DSP: variants seen among roughly 807,000 people sequenced by gnomAD.
DSP encodes the protein desmoplakin.
DSP carries 114 observed loss-of-function variants against 290.6 expected under a neutral mutation model. The ratio of observed to expected loss-of-function variants is 0.39; its 90% CI spans 0.34 to 0.46. DSP has a LOEUF of 0.46. Ranked by LOEUF, DSP falls within the 20% of genes least tolerant of loss-of-function variation. The pLI is 0.99. For missense variants in DSP, 3,230 were observed against 3,495.8 expected, an observed-to-expected ratio of 0.92 and a Z score of 1.92; for synonymous variants, 1,311 against 1,316.4, an observed-to-expected ratio of 1.00 and a Z score of 0.09.
chr6:7,552,944 G>T (rs1258101662), intron 1 of DSP, among the ~76,000 whole-genome samples: 1 of 152,210 alleles, frequency 6.6e-6, no homozygotes, highest in East Asian at 1.9e-4. Context: ...GTGGTCAAAT[G>T]AATTTGATCT....
At chr6:7,552,648 T>C (rs1028097812) in intron 1 of DSP, among the ~76,000 whole-genome samples, 1 of 135,300 alleles carries the variant, frequency 7.4e-6, no homozygotes, top group Non-Finnish European at 1.6e-5. Context: ...TAGCAGCATA[T>C]AAAGTTACCT....
intron 11 of DSP, 112 bp downstream of exon 11, chr6:7,568,701 T>C: frequency 1.7e-6 from 2 of 1,195,832 alleles, no homozygotes; most frequent in South Asian, 2.5e-5. Flanking sequence ...ACAGTCAATG[T>C]CTTTGATCTA....
At chr6:7,542,108 C>CGGGCTGCG in intron 1 of DSP, 23 bp downstream of exon 1, 1 of 1,552,154 alleles carries the variant, frequency 6.4e-7, no homozygotes, top group Non-Finnish European at 8.7e-7. Context: ...CCGGAGAGCG[C>CGGGCTGCG]GGGCTGCGGG....
intron 12 of DSP, 51 bp downstream of exon 12, chr6:7,569,391 C>G: frequency 6.2e-7 from 1 of 1,613,444 alleles, no homozygotes; most frequent in Non-Finnish European, 8.5e-7. Context: ...AATGTGAGGG[C>G]AGAGGAAGAG....
At position 7,574,654 on chromosome 6, in the gene DSP, C is replaced by T. The variant is rs1300722110; in HGVS notation, c.2298-3C>T. On this transcript the variant is annotated splice_region_variant and splice_polypyrimidine_tract_variant and intron_variant, in intron 16 of 23. Transcript: ENST00000379802. Reference sequence around the variant, plus strand: ...TTTTATGTGCTTCTTTTGCTCTTTCCAGCTTATGCACAGTAAGGGCACTGC... The same window carrying T: ...TTTTATGTGCTTCTTTTGCTCTTTCTAGCTTATGCACAGTAAGGGCACTGC... 6 of 1,613,952 alleles carry T rather than the reference C, an allele frequency of 3.7e-6. No homozygotes were observed. The highest frequency in any genetic ancestry group is 5.1e-6 in the Non-Finnish European group (6 of 1,179,894).
intron 13 of DSP, 63 bp downstream of exon 13, chr6:7,570,626 G>T: frequency 1.2e-6 from 2 of 1,606,004 alleles, no homozygotes; most frequent in African/African-American, 1.3e-5. Flanking sequence ...CGCAGTGCCT[G>T]TGTCCAACAG....
Position 7,569,342 on chromosome 6 carries a change from T to TA in DSP, c.1574+4dup. 1 of 1,614,146 alleles carries TA rather than the reference T, an allele frequency of 6.2e-7. No homozygotes were observed. Among genetic ancestry groups the TA allele is most frequent in the Admixed American group, 1.7e-5 (1 of 60,026 alleles). ...ACTGGCCGTGGACCTCTCTTGCAAG[T>TA]AAGTCATCCAAGTTCCCAAAGCCAC... On this transcript the variant is annotated splice_region_variant and intron_variant, in intron 12 of 23. Transcript: ENST00000379802.
At chr6:7,581,655 TTAAA>T (rs1342662624) in intron 23 of DSP, 86 bp downstream of exon 23, 10 of 1,558,462 alleles carry the variant, frequency 6.4e-6, no homozygotes, top group African/African-American at 1.4e-5. Context: ...CTCTTTCTGC[TTAAA>T]TAGATGCTTA....
chr6:7,577,102 T>G, intron 20 of DSP, 60 bp downstream of exon 20: 1 of 1,380,920 alleles, frequency 7.2e-7, no homozygotes, highest in Non-Finnish European at 1.0e-6. Context: ...ACTGCATGAC[T>G]TGCTGATTTG....
intron 6 of DSP, among the ~76,000 whole-genome samples, chr6:7,564,504 A>G (rs368992095): frequency 1.2e-4 from 19 of 152,308 alleles, no homozygotes; most frequent in Middle Eastern, 3.4e-3. Context: ...GAAGGTAGGA[A>G]AAGCTTGATT....
rs794727382 is a variant in DSP at position 7,581,378 on chromosome 6, G to A, written c.5188G>A (p.Glu1730Lys). The A allele has an allele frequency of 3.1e-6, 5 of 1,614,200 alleles. No homozygotes were observed. The highest frequency in any genetic ancestry group is 4.2e-6 in the Non-Finnish European group (5 of 1,180,036). ...AGAAGAACTGCGGAACCTGAGGCTG[G>A]AGTACGATGACCTGAGGAGAGGACG... ...LEEELRNLRL[E>K]YDDLRRGRSE... is the part of the protein sequence containing the mutation. The change falls in exon 23 of 24, where the codon GAG becomes AAG. Residue 1730 changes from glutamate (E) to lysine (K), a missense_variant. Transcript: ENST00000379802.
In DSP at chr6:7,565,942, G is replaced by C; in HGVS notation, c.939+422G>C. The C allele has an allele frequency of 3.1e-6, 1 of 327,822 alleles. No homozygotes were observed. Among genetic ancestry groups the C allele is most frequent in the Non-Finnish European group, 5.8e-6 (1 of 172,772 alleles). The allele number at this position is 327,822 out of a possible 1,614,324, so 20.3% of individuals were successfully genotyped here. ...AAATCCCTGTGATACAAGTTTACCT[G>C]TGTAACAAACCTGCACATGTATCCC... On this transcript the variant is annotated intron_variant, in intron 7 of 23. Coordinates refer to ENST00000379802, the MANE Select transcript of DSP (RefSeq NM_004415.4). The surrounding 1 kb of genome is among the most constrained non-coding windows in gnomAD (Gnocchi z 4.2).
chr6:7,562,680 T>G lies in DSP; in HGVS notation c.626T>G (p.Val209Gly). The G allele has an allele frequency of 6.2e-7, 1 of 1,614,148 alleles. No homozygotes were observed. Among genetic ancestry groups the G allele is most frequent in the Non-Finnish European group, 8.5e-7 (1 of 1,180,018 alleles). ...RAEMDMVAWG[V>G]DLASVEQHIN... ...GAGATGGACATGGTGGCCTGGGGTGTGGACCTGGCCTCAGTGGAGCAGCAC... is the reference window on the plus strand; with the variant it reads ...GAGATGGACATGGTGGCCTGGGGTGGGGACCTGGCCTCAGTGGAGCAGCAC... Residue 209 changes from valine (V) to glycine (G), a missense_variant, in exon 5 of 24, where the codon GTG becomes GGG. Physicochemically the swap from Val to Gly is moderately radical, Grantham distance 109. Transcript: ENST00000379802.
chr6:7,564,849 TA>T (rs1758808244), intron 6 of DSP, among the ~76,000 whole-genome samples: 1 of 151,996 alleles, frequency 6.6e-6, no homozygotes, highest in Non-Finnish European at 1.5e-5. Flanking sequence ...TTTAGAAGAA[TA>T]AAAAAAATTT....
chr6:7,584,116 C>G lies in DSP; in HGVS notation c.6854C>G (p.Pro2285Arg). 6.2e-7 allele frequency: 1 copy of G among 1,614,136 alleles called. No homozygotes were observed. The highest frequency in any genetic ancestry group is 8.5e-7 in the Non-Finnish European group (1 of 1,180,030). ...GCCATGAAAATTGGCTTAGTCCGAC[C>G]TGGTACTGCTCTGGAGTTGCTGGAA... ...YEAMKIGLVR[P>R]GTALELLEAQ... The change falls in exon 24 of 24, where the codon CCT becomes CGT. Residue 2285 changes from proline to arginine, a missense_variant. Pro to Arg is a moderately radical substitution (Grantham distance 103). Coordinates refer to ENST00000379802, the MANE Select transcript of DSP (RefSeq NM_004415.4). The surrounding 1 kb of genome is among the most constrained non-coding windows in gnomAD (Gnocchi z 6.4).
rs886061748 is a variant in DSP, at chr6:7,584,197, T to C, written c.6935T>C (p.Val2312Ala). 1.1e-5 allele frequency: 18 copies of C among 1,614,002 alleles called. No homozygotes were observed. Among genetic ancestry groups the C allele is most frequent in the Non-Finnish European group, 1.0e-5 (12 of 1,180,040 alleles). Residue 2312 changes from valine (V) to alanine (A), a missense_variant, in exon 24 of 24, where the codon GTG (valine) becomes GCG (alanine). Val to Ala is a moderately conservative substitution (Grantham distance 64). Transcript: ENST00000379802. This position sits in a 1 kb window ranked among gnomAD's most constrained non-coding sequence, Gnocchi z 6.4. ...CCTGTTAGCAACTTGAGGTTACCAG[T>C]GGAGGAAGCCTACAAGAGAGGTCTG... ...VDPVSNLRLP[V>A]EEAYKRGLVG...
chr6:7,579,336 C>G lies in DSP; in HGVS notation c.3146C>G (p.Ser1049Trp), dbSNP rs751361395. The G allele has an allele frequency of 3.1e-6, 5 of 1,614,128 alleles. No individual in the cohort carries two copies. The highest frequency in any genetic ancestry group is 4.2e-6 in the Non-Finnish European group (5 of 1,180,030). ...EELRLARDAN[S>W]ENCNKNKFLD... ...CTCAGACTGGCCCGAGATGCCAACT[C>G]GGAAAACTGTAATAAGAACAAATTC... Residue 1049 changes from serine to tryptophan, a missense_variant, in exon 23 of 24, where the codon TCG (serine) becomes TGG (tryptophan). This residue lies in a region of DSP where 1,714 missense variants were observed against 1,844.5 expected (regional missense o/e 0.93). Coordinates refer to ENST00000379802, the MANE Select transcript of DSP (RefSeq NM_004415.4). The surrounding 1 kb of genome is among the most constrained non-coding windows in gnomAD (Gnocchi z 4.1).
rs777132727 is a variant in DSP at position 7,584,992 on chromosome 6, T to C, written c.7730T>C (p.Val2577Ala). The C allele has an allele frequency of 6.2e-7, 1 of 1,614,174 alleles. No homozygotes were observed. The highest frequency in any genetic ancestry group is 8.5e-7 in the Non-Finnish European group (1 of 1,180,038). Reference protein sequence around the residue: ...VGTSSSMGSGVSDDVFSSSRH... With the variant: ...VGTSSSMGSGASDDVFSSSRH... ...ACCAGCAGCAGCATGGGCAGTGGTG[T>C]CAGCGATGATGTTTTTAGCAGCTCC... Residue 2577 changes from valine to alanine, a missense_variant, in exon 24 of 24, where the codon GTC becomes GCC. Physicochemically the swap from Val to Ala is moderately conservative, Grantham distance 64. Coordinates refer to ENST00000379802, the MANE Select transcript of DSP (RefSeq NM_004415.4). This position sits in a 1 kb window ranked among gnomAD's most constrained non-coding sequence, Gnocchi z 6.4.
At position 7,579,716 on chromosome 6, in the gene DSP, G is replaced by T. The variant is rs1261167694; in HGVS notation, c.3526G>T (p.Val1176Phe). Residue 1176 changes from valine to phenylalanine, a missense_variant, in exon 23 of 24, where the codon GTT becomes TTT. Physicochemically the swap from Val to Phe is conservative, Grantham distance 50. Transcript: ENST00000379802. This position sits in a 1 kb window ranked among gnomAD's most constrained non-coding sequence, Gnocchi z 4.1. ...EKEYEIERLRVLLQEEGTRKR... is the reference protein window; with the variant it reads ...EKEYEIERLRFLLQEEGTRKR... ...GGAGTACGAGATTGAAAGGTTGAGG[G>T]TTCTACTGCAGGAAGAAGGCACCCG... 6.2e-7 allele frequency: 1 copy of T among 1,613,534 alleles called. No individual in the cohort carries two copies. The highest frequency in any genetic ancestry group is 1.3e-5 in the African/African-American group (1 of 74,844).
Sources: allele counts gnomAD v4.1 joint callset (sites outside exome capture counted in the v4.1 genomes callset), GRCh38; gene constraint gnomAD v4.1.1; regional missense constraint gnomAD v4.1.1; non-coding constraint Gnocchi (gnomAD v3.1); transcripts MANE v1.5; gene names NCBI Gene and HGNC (gene_info 2026-07-23, HGNC 2026-07-21).